The following ADH1C variants were observed in gnomAD, a reference collection of about 807,000 sequenced individuals.
The protein encoded by ADH1C is alcohol dehydrogenase 1C.
In ADH1C, 26 loss-of-function variants were observed where a neutral mutation model predicts 35.0. The observed-to-expected ratio is 0.74, with a 90% CI of 0.54 to 1.03. ADH1C has a LOEUF of 1.03. Ranked by LOEUF, ADH1C falls within the 50% of genes least tolerant of loss-of-function variation. ADH1C has a pLI of 0.00. For missense variants in ADH1C, 413 were observed against 465.4 expected, an observed-to-expected ratio of 0.89 and a Z score of 1.04; for synonymous variants, 170 against 169.3, an observed-to-expected ratio of 1.00 and a Z score of -0.03.
chr4:99,339,529 CG>C, intron 8 of ADH1C, 47 bp downstream of exon 8: 1 of 1,017,544 alleles, frequency 9.8e-7, no homozygotes, highest in Non-Finnish European at 1.4e-6. Flanking sequence ...CCCCCCCCGC[CG>C]CTACTGTAGA....
intron 5 of ADH1C, 51 bp downstream of exon 5, chr4:99,344,811 G>C: frequency 6.2e-7 from 1 of 1,608,178 alleles, no homozygotes; most frequent in Non-Finnish European, 8.5e-7. Flanking sequence ...TTCCCTTTTG[G>C]TTCCTGACAG....
Position 99,352,577 on chromosome 4 carries a change from T to G in ADH1C, c.18+81A>C, listed in dbSNP as rs552969081. 3.9e-5 allele frequency: 48 copies of G among 1,226,288 alleles called. 1 individual carries two copies. In the Admixed American group the frequency reaches 7.0e-4, roughly 18 times the overall value. 76.0% of individuals were successfully genotyped at this position (1,226,288 alleles called of 1,614,324 possible). On this transcript the variant is annotated intron_variant, in intron 1 of 8. Coordinates refer to ENST00000515683, the MANE Select transcript of ADH1C (RefSeq NM_000669.5). ...TTAGATATGAATTTTAAATTTTAAA[T>G]TATTCATTATTAATACTGTATTCCT...
chr4:99,344,768 CA>C (rs759712864), intron 5 of ADH1C, 93 bp downstream of exon 5: 49 of 1,526,268 alleles, frequency 3.2e-5, no homozygotes, highest in Non-Finnish European at 4.0e-5. Flanking sequence ...TTCAAATCTA[CA>C]AAAATAATTT....
intron 5 of ADH1C, among the ~76,000 whole-genome samples, chr4:99,344,595 A>T (rs1250901326): frequency 1.3e-5 from 2 of 152,192 alleles, no homozygotes; most frequent in Non-Finnish European, 2.9e-5. Flanking sequence ...TAGTTCACAG[A>T]TCTAAAATTT....
In ADH1C at chr4:99,344,850, T is replaced by C; in HGVS notation, c.567+12A>G. 6.2e-7 allele frequency: 1 copy of C among 1,614,148 alleles called. No individual in the cohort carries two copies. The highest frequency in any genetic ancestry group is 8.5e-7 in the Non-Finnish European group (1 of 1,180,028). On this transcript the variant is annotated intron_variant, in intron 5 of 8. Coordinates refer to ENST00000515683, the MANE Select transcript of ADH1C (RefSeq NM_000669.5). ...GCGTGTAACCGGTTTTATCATCCAT[T>C]GTCATTTCTACCTTGGCAACTTTGA...
Position 99,340,594 on chromosome 4 carries a change from C to T in ADH1C, c.945G>A (p.Trp315Ter). ...ACATACCTCCAAAAATAGCTCCTTT[C>T]CACGTGCGTCCAGTCAGTAGCAGCA... is the stretch of plus-strand genomic sequence containing the variant. Reference protein sequence around the residue: ...NPMLLLTGRTWKGAIFGGFKS... With the variant: ...NPMLLLTGRT Residue 315 changes from tryptophan (W) to a stop codon, truncating the protein, a stop_gained, in exon 7 of 9, where the codon TGG becomes TGA. Coordinates refer to ENST00000515683, the MANE Select transcript of ADH1C (RefSeq NM_000669.5). LOFTEE classifies it high-confidence loss of function. The T allele has an allele frequency of 6.2e-7, 1 of 1,614,130 alleles. No homozygotes were observed. Among genetic ancestry groups the T allele is most frequent in the East Asian group, 2.2e-5 (1 of 44,882 alleles).
At chr4:99,343,186 C>T in intron 5 of ADH1C, 131 bp from the exon 6 acceptor site, 1 of 1,343,506 alleles carries the variant, frequency 7.4e-7, no homozygotes, top group South Asian at 1.5e-5. Flanking sequence ...TTATCGAAAC[C>T]TGTTTTGGCT....
rs752872690 is a variant in ADH1C, at chr4:99,352,723, G to C, written c.-48C>G. On this transcript the variant is annotated 5_prime_UTR_variant, in exon 1 of 9. In the 5' UTR this introduces an upstream ATG that the reference lacks. Transcript: ENST00000515683. ...ACCAGGAGGCTGGTGAGTACTTGTG[G>C]ATTTCTTCTCTGCTTGAGTGCATAA... 1.2e-6 allele frequency: 2 copies of C among 1,601,556 alleles called. No homozygotes were observed. The highest frequency in any genetic ancestry group is 1.7e-6 in the Non-Finnish European group (2 of 1,169,424).
At chr4:99,352,211 G>GACTTA (rs35221936) in intron 1 of ADH1C, among the ~76,000 whole-genome samples, 47,411 of 151,734 alleles carry the variant, frequency 0.31, 8,767 homozygotes, top group Non-Finnish European at 0.41. Flanking sequence ...AGTTTTGTCA[G>GACTTA]ACTTCTTGTG....
chr4:99,351,255 T>C (rs1734672695), intron 1 of ADH1C: 2 of 152,230 alleles, frequency 1.3e-5, no homozygotes, highest in Non-Finnish European at 2.9e-5. Flanking sequence ...ATTGACTTAT[T>C]TTTATTTACC....
At chr4:99,341,633 G>C (rs781098192) in intron 6 of ADH1C, among the ~76,000 whole-genome samples, 3 of 152,136 alleles carry the variant, frequency 2.0e-5, no homozygotes, top group African/African-American at 7.2e-5. Flanking sequence ...GCTGCTCCCT[G>C]TTACCCACAC....
chr4:99,349,745 C>T (rs934291731), intron 1 of ADH1C, among the ~76,000 whole-genome samples: 1 of 152,046 alleles, frequency 6.6e-6, no homozygotes, highest in Non-Finnish European at 1.5e-5. Context: ...GAGACTCCTT[C>T]CAGCTTAGAT....
rs185590874 is a variant in ADH1C at position 99,352,534 on chromosome 4, A to C, written c.18+124T>G. ...ATTTCTAATTTAGATATGAATTTTA[A>C]ATTATTCATCATCTAATTTAGATAT... On this transcript the variant is annotated intron_variant, in intron 1 of 8. Transcript: ENST00000515683. 3.2e-4 allele frequency: 222 copies of C among 683,478 alleles called. 2 individuals carry two copies. The African/African-American group carries it at 3.5e-3, about 11-fold the overall frequency. 42.3% of individuals were successfully genotyped at this position (683,478 alleles called of 1,614,324 possible). A position where few individuals can be genotyped will look rare whatever the true frequency, so the allele number is the denominator to read the frequency against.
At chr4:99,347,626 T>C in intron 2 of ADH1C, 119 bp downstream of exon 2, 1 of 1,133,044 alleles carries the variant, frequency 8.8e-7, no homozygotes, top group Non-Finnish European at 1.2e-6. Flanking sequence ...ACAAATGTAA[T>C]TTTATTTTCT....
chr4:99,351,356 T>C (rs988381576), intron 1 of ADH1C, among the ~76,000 whole-genome samples: 1 of 152,146 alleles, frequency 6.6e-6, no homozygotes, highest in Non-Finnish European at 1.5e-5. Context: ...CAATTTAGGA[T>C]TGAGGAAAAT....
chr4:99,347,074 A>C lies in ADH1C; in HGVS notation c.191T>G (p.Val64Gly). Reference sequence around the variant, plus strand: ...GCCGGCTGCCTCATGGCCTAAAATCACAGGAAGGGGGGTCACCAGGTTGCC... The same window carrying C: ...GCCGGCTGCCTCATGGCCTAAAATCCCAGGAAGGGGGGTCACCAGGTTGCC... ...VSGNLVTPLP[V>G]ILGHEAAGIV... The change falls in exon 3 of 9, where the codon GTG becomes GGG. Residue 64 changes from valine (V) to glycine (G), a missense_variant. Transcript: ENST00000515683. The C allele has an allele frequency of 6.2e-7, 1 of 1,614,066 alleles. No homozygotes were observed. Among genetic ancestry groups the C allele is most frequent in the Admixed American group, 1.7e-5 (1 of 59,994 alleles).
rs1734707977 is a variant in ADH1C, at chr4:99,352,734, TG to T, written c.-60del. 6.4e-7 allele frequency: 1 copy of T among 1,564,390 alleles called. No homozygotes were observed. Among genetic ancestry groups the T allele is most frequent in the Non-Finnish European group, 8.8e-7 (1 of 1,135,896 alleles). On this transcript the variant is annotated 5_prime_UTR_variant, in exon 1 of 9. Coordinates refer to ENST00000515683, the MANE Select transcript of ADH1C (RefSeq NM_000669.5). ...GGTGAGTACTTGTGGATTTCTTCTC[TG>T]CTTGAGTGCATAAAGCAGGTATGTT...
At chr4:99,341,905 C>T (rs1693477) in intron 6 of ADH1C, among the ~76,000 whole-genome samples, 47,418 of 151,454 alleles carry the variant, frequency 0.31, 8,845 homozygotes, top group Non-Finnish European at 0.41. Flanking sequence ...TCAGCACTTT[C>T]GGAGGCTGAG....
chr4:99,346,875 C>A (rs1734541407), intron 3 of ADH1C, 131 bp downstream of exon 3: 5 of 1,442,830 alleles, frequency 3.5e-6, no homozygotes, highest in Non-Finnish European at 4.7e-6. Flanking sequence ...AAGGAGGAAA[C>A]CCCTGAAGTC....
Sources: gnomAD v4.1 joint callset for allele counts (sites outside exome capture counted in the v4.1 genomes callset) on GRCh38, gnomAD v4.1.1 for gene constraint, MANE v1.5 for transcripts, NCBI Gene and HGNC (gene_info 2026-07-23, HGNC 2026-07-21) for gene names.